Variants in LIPM observed in about 807,000 individuals in gnomAD.
LIPM encodes the protein lipase family member M, also known as lipase member M.
LIPM carries 42 observed loss-of-function variants against 42.4 expected under a neutral mutation model. The observed-to-expected ratio is 0.99, with a 90% CI of 0.77 to 1.28. The LOEUF (loss-of-function observed/expected upper bound fraction) is 1.28. Among genes scored for constraint, LIPM ranks in the 50% most tolerant of loss-of-function variants. LIPM has a pLI of 0.00. For missense variants in LIPM, 524 were observed against 520.1 expected (o/e 1.01, Z -0.07); for synonymous variants, 177 against 173.3 (o/e 1.02, Z -0.17).
At position 88,813,157 on chromosome 10, in the gene LIPM, C is replaced by T. The variant is rs761354681; in HGVS notation, c.326C>T (p.Ser109Phe). The T allele has an allele frequency of 6.2e-7, 1 of 1,612,372 alleles. No homozygotes were observed. The highest frequency in any genetic ancestry group is 8.5e-7 in the Non-Finnish European group (1 of 1,179,122). ...GLVGGASNWI[S>F]NLPNNSLGFI... ...GTTGGAGGTGCTAGCAACTGGATTT[C>T]CAACCTGCCCAACAATAGCCTGGGC... is the stretch of plus-strand genomic sequence containing the variant. Residue 109 changes from serine (S) to phenylalanine (F), a missense_variant, in exon 3 of 9, where the codon TCC becomes TTC. Transcript: ENST00000404743.
At position 88,803,043 on chromosome 10, in the gene LIPM, T is replaced by C. The variant is rs1306769699; in HGVS notation, c.147T>C (p.Ile49=). The change falls in exon 1 of 9, where the codon ATT becomes ATC. Residue 49 remains isoleucine (I), a splice_region_variant and synonymous_variant. Transcript: ENST00000404743. ...KAVDPEAFMN[I]SEIIQHQGYP... is the part of the protein sequence containing the mutation. Reference sequence around the variant, plus strand: ...TGGACCCAGAAGCATTCATGAATATTGTAAGTTGGGATTTCTGGGAAATGA... The same window carrying C: ...TGGACCCAGAAGCATTCATGAATATCGTAAGTTGGGATTTCTGGGAAATGA... 2.6e-6 allele frequency: 4 copies of C among 1,550,086 alleles called. No individual in the cohort carries two copies. The South Asian group carries it at 3.6e-5, about 14-fold the overall frequency.
Position 88,814,756 on chromosome 10 carries a change from A to C in LIPM, c.574+117A>C, listed in dbSNP as rs1843697872. 9.2e-6 allele frequency: 7 copies of C among 759,994 alleles called. No homozygotes were observed. The South Asian group carries it at 1.1e-4, about 12-fold the overall frequency. The allele number at this position is 759,994 out of a possible 1,614,324, so 47.1% of individuals were successfully genotyped here. Reference sequence around the variant, plus strand: ...TCAGACCTGCTCTTTTCATCTTCAGAATCATGTAGTCCCCAGCAATGTGTC... The same window carrying C: ...TCAGACCTGCTCTTTTCATCTTCAGCATCATGTAGTCCCCAGCAATGTGTC... On this transcript the variant is annotated intron_variant, in intron 4 of 8. Coordinates refer to ENST00000404743, the MANE Select transcript of LIPM (RefSeq NM_001128215.1).
intron 2 of LIPM, among the ~76,000 whole-genome samples, 180 bp from the exon 3 acceptor site, chr10:88,812,917 A>G (rs1843671073): frequency 6.6e-6 from 1 of 152,238 alleles, no homozygotes; most frequent in African/African-American, 2.4e-5. Flanking sequence ...ATCTTATTTT[A>G]CTGATGAGGA....
intron 7 of LIPM, among the ~76,000 whole-genome samples, 159 bp downstream of exon 7, chr10:88,817,046 A>G (rs1426060820): frequency 6.6e-6 from 1 of 152,224 alleles, no homozygotes; most frequent in African/African-American, 2.4e-5. Context: ...TTTGATCTAG[A>G]TCACTGAAAC....
At position 88,802,876 on chromosome 10, in the gene LIPM, A is replaced by C; in HGVS notation, c.-21A>C. ...ATTAGTTGTTACATTGGCAGGAAAA[A>C]ATAAATGCAGATGTTGGACCATGTT... On this transcript the variant is annotated 5_prime_UTR_variant, in exon 1 of 9. Transcript: ENST00000404743. The C allele has an allele frequency of 6.6e-7, 1 of 1,521,578 alleles. No individual in the cohort carries two copies. 94.3% of individuals were successfully genotyped at this position (1,521,578 alleles called of 1,614,324 possible). A position where few individuals can be genotyped will look rare whatever the true frequency, so the allele number is the denominator to read the frequency against.
intron 6 of LIPM, 48 bp downstream of exon 6, chr10:88,815,551 A>C (rs1290074547): frequency 6.5e-7 from 1 of 1,527,278 alleles, no homozygotes; most frequent in South Asian, 1.2e-5. Flanking sequence ...TAAAGCTGGG[A>C]GTCATATGGC....
At chr10:88,811,681 T>C (rs1253858799) in intron 2 of LIPM, among the ~76,000 whole-genome samples, 1 of 152,204 alleles carries the variant, frequency 6.6e-6, no homozygotes. Flanking sequence ...GACTTCCATA[T>C]GCCCTTTGCC....
chr10:88,803,467 C>T (rs563790537), intron 1 of LIPM, among the ~76,000 whole-genome samples: 8 of 152,252 alleles, frequency 5.3e-5, no homozygotes, highest in Admixed American at 5.2e-4. Flanking sequence ...CTTCTAGTAG[C>T]ATCTTATACC....
intron 2 of LIPM, among the ~76,000 whole-genome samples, chr10:88,809,293 T>C (rs1843626311): frequency 1.3e-5 from 2 of 152,218 alleles, no homozygotes; most frequent in Non-Finnish European, 2.9e-5. Flanking sequence ...GTCTCCATAG[T>C]TCATACAATT....
chr10:88,805,669 T>TGAA (rs1843577366), intron 1 of LIPM, among the ~76,000 whole-genome samples: 1 of 152,188 alleles, frequency 6.6e-6, no homozygotes, highest in Non-Finnish European at 1.5e-5. Context: ...ATGTATATCA[T>TGAA]GAAGAATTTC....
At chr10:88,814,961 A>G in intron 4 of LIPM, 127 bp from the exon 5 acceptor site, 1 of 873,334 alleles carries the variant, frequency 1.1e-6, no homozygotes, top group South Asian at 2.0e-5. Context: ...GGACCTTATA[A>G]TTTTATAGGA....
At chr10:88,813,050 G>C in intron 2 of LIPM, 47 bp from the exon 3 acceptor site, 2 of 1,465,288 alleles carry the variant, frequency 1.4e-6, no homozygotes, top group Admixed American at 2.0e-5. Context: ...TGGACAACAA[G>C]AAAGGGAGAG....
rs751078620 is a variant in LIPM at position 88,820,518 on chromosome 10, G to A, written c.*17G>A. 21 of 1,544,488 alleles carry A rather than the reference G, an allele frequency of 1.4e-5. No homozygotes were observed. The highest frequency in any genetic ancestry group is 6.8e-5 in the African/African-American group (5 of 72,996). On this transcript the variant is annotated 3_prime_UTR_variant, in exon 9 of 9. Coordinates refer to ENST00000404743, the MANE Select transcript of LIPM (RefSeq NM_001128215.1). ...GTATTGTGAAGCATCTGACACTGAC[G>A]ATCTTAGGACAACCTCCTGAGGGAT...
intron 1 of LIPM, among the ~76,000 whole-genome samples, chr10:88,804,236 C>T (rs903210829): frequency 1.3e-5 from 2 of 152,140 alleles, no homozygotes; most frequent in Non-Finnish European, 2.9e-5. Context: ...GACTGTCCCA[C>T]TTGAATTCCT....
intron 8 of LIPM, among the ~76,000 whole-genome samples, chr10:88,818,478 G>A (rs1489022290): frequency 6.6e-6 from 1 of 152,154 alleles, no homozygotes; most frequent in Non-Finnish European, 1.5e-5. Context: ...TTTTAAAAAT[G>A]TTATTACATT....
chr10:88,816,950 A>C, intron 7 of LIPM, 63 bp downstream of exon 7: 1 of 1,207,818 alleles, frequency 8.3e-7, no homozygotes, highest in South Asian at 1.3e-5. Flanking sequence ...AGAATAGTCA[A>C]AGGACACCAT....
intron 2 of LIPM, among the ~76,000 whole-genome samples, chr10:88,810,898 G>A (rs941887241): frequency 6.6e-6 from 1 of 152,196 alleles, no homozygotes; most frequent in South Asian, 2.1e-4. Flanking sequence ...TGGTTTGATT[G>A]TCCTGTGTTA....
chr10:88,813,918 G>A (rs536657152), intron 3 of LIPM, among the ~76,000 whole-genome samples: 1 of 152,122 alleles, frequency 6.6e-6, no homozygotes, highest in Non-Finnish European at 1.5e-5. Context: ...CACGAGAACA[G>A]CACAGGGGAA....
intron 3 of LIPM, 34 bp from the exon 4 acceptor site, chr10:88,814,496 A>T (rs1027766437): frequency 3.1e-5 from 44 of 1,441,878 alleles, no homozygotes; most frequent in Non-Finnish European, 4.1e-5. Flanking sequence ...TCTGATTATA[A>T]TTTTTCATAT....
Sources: allele counts gnomAD v4.1 joint callset (sites outside exome capture counted in the v4.1 genomes callset), GRCh38; gene constraint gnomAD v4.1.1; transcripts MANE v1.5; gene names NCBI Gene and HGNC (gene_info 2026-07-23, HGNC 2026-07-21).